ITIH5: variants seen among roughly 807,000 people sequenced by gnomAD.
The protein encoded by ITIH5 is inter-alpha-trypsin inhibitor heavy chain 5.
In ITIH5, 65 loss-of-function variants were observed where a neutral mutation model predicts 77.5. That is an observed-to-expected ratio of 0.84 (90% confidence interval 0.69 to 1.03). ITIH5 has a LOEUF of 1.03. Among genes scored for constraint, ITIH5 ranks in the 50% least tolerant of loss-of-function variants. ITIH5 has a pLI of 0.00. For synonymous variants in ITIH5, 525 were observed against 494.3 expected (o/e 1.06, Z -0.82); for missense variants, 1,208 against 1,213.1 (o/e 1.00, Z 0.06).
chr10:7,609,020 G>C (rs551198994), intron 7 of ITIH5, among the ~76,000 whole-genome samples: 4 of 152,100 alleles, frequency 2.6e-5, no homozygotes, highest in Non-Finnish European at 5.9e-5. Flanking sequence ...ACTGTGTTAC[G>C]GTCCATATGT....
In ITIH5 at chr10:7,642,123, G is replaced by A. The variant is rs371628565; in HGVS notation, c.136-33C>T. 1.9e-6 allele frequency: 3 copies of A among 1,568,070 alleles called. No individual in the cohort carries two copies. The African/African-American group carries it at 4.1e-5, about 21-fold the overall frequency. On this transcript the variant is annotated intron_variant, in intron 2 of 13. Transcript: ENST00000397146. ...AATGAAAACACACAGTATCATCGGT[G>A]ATGCATGAAAGCATTTTGGTGGTAG...
At position 7,576,910 on chromosome 10, in the gene ITIH5, G is replaced by A; in HGVS notation, c.1521C>T (p.Phe507=). 6.2e-7 allele frequency: 1 copy of A among 1,614,196 alleles called. No homozygotes were observed. The highest frequency in any genetic ancestry group is 8.5e-7 in the Non-Finnish European group (1 of 1,180,030). The change falls in exon 10 of 14, where the codon TTC becomes TTT. Residue 507 remains phenylalanine (F), a synonymous_variant. Transcript: ENST00000397146. ...QATKTLFPNY[F]NGSEIIIAGK... ...CCGCAATGATGATCTCCGAGCCGTT[G>A]AAGTAGTTGGGGAACAGGGTCTTGG...
intron 7 of ITIH5, among the ~76,000 whole-genome samples, chr10:7,594,695 A>C (rs1393354299): frequency 2.0e-5 from 3 of 152,054 alleles, no homozygotes; most frequent in Non-Finnish European, 4.4e-5. Context: ...TTGTCTTTAT[A>C]CTCTTGGACA....
At chr10:7,649,673 G>C (rs911132511) in intron 2 of ITIH5, among the ~76,000 whole-genome samples, 8 of 152,202 alleles carry the variant, frequency 5.3e-5, no homozygotes, top group South Asian at 2.1e-4. Flanking sequence ...AAAGAGAACA[G>C]AAAGAACACT....
intron 5 of ITIH5, among the ~76,000 whole-genome samples, chr10:7,635,936 CTG>C (rs1833791914): frequency 6.6e-6 from 1 of 152,170 alleles, no homozygotes; most frequent in Non-Finnish European, 1.5e-5. Context: ...TGCACATACT[CTG>C]CTCATCATTT....
chr10:7,637,494 A>G lies in ITIH5; in HGVS notation c.402-16T>C. The G allele has an allele frequency of 6.2e-7, 1 of 1,612,376 alleles. No individual in the cohort carries two copies. Among genetic ancestry groups the G allele is most frequent in the Non-Finnish European group, 8.5e-7 (1 of 1,179,504 alleles). On this transcript the variant is annotated splice_polypyrimidine_tract_variant and intron_variant, in intron 4 of 13. Transcript: ENST00000397146. ...CCCCTTCTCTCTGTCAGGAAAAAGGAAAAGGACCCCAGGGAGGTTCGGAAG... is the reference window on the plus strand; with the variant it reads ...CCCCTTCTCTCTGTCAGGAAAAAGGGAAAGGACCCCAGGGAGGTTCGGAAG...
At chr10:7,636,775 C>T (rs1414159659) in intron 5 of ITIH5, among the ~76,000 whole-genome samples, 1 of 152,016 alleles carries the variant, frequency 6.6e-6, no homozygotes, top group Non-Finnish European at 1.5e-5. Context: ...AAAAATGGGC[C>T]GGGTGCGCTG....
intron 7 of ITIH5, among the ~76,000 whole-genome samples, chr10:7,611,131 C>A (rs947490578): frequency 9.9e-5 from 15 of 152,256 alleles, no homozygotes; most frequent in African/African-American, 3.6e-4. Context: ...TTGCACGGTA[C>A]ATGGCTTAGT....
intron 2 of ITIH5, among the ~76,000 whole-genome samples, chr10:7,654,086 G>T (rs1208957849): frequency 2.6e-5 from 4 of 152,156 alleles, no homozygotes; most frequent in African/African-American, 4.8e-5. Flanking sequence ...CAACCCAGGA[G>T]GCAGAGGTTG....
At chr10:7,574,736 T>G (rs1425498539) in intron 10 of ITIH5, among the ~76,000 whole-genome samples, 1 of 138,722 alleles carries the variant, frequency 7.2e-6, no homozygotes, top group Admixed American at 8.0e-5. Flanking sequence ...GAGCTTGCAG[T>G]GAGCCGAGAT....
chr10:7,656,557 C>G (rs1834186293), intron 1 of ITIH5, among the ~76,000 whole-genome samples: 1 of 151,984 alleles, frequency 6.6e-6, no homozygotes, highest in African/African-American at 2.4e-5. Flanking sequence ...AATTAATTAA[C>G]TAGACACTCT....
At chr10:7,660,373 G>A (rs934570477) in intron 1 of ITIH5, among the ~76,000 whole-genome samples, 1 of 152,038 alleles carries the variant, frequency 6.6e-6, no homozygotes, top group Non-Finnish European at 1.5e-5. Context: ...AGAGAATCAG[G>A]TTCAACACAG....
intron 7 of ITIH5, among the ~76,000 whole-genome samples, chr10:7,614,438 A>G (rs1385574309): frequency 6.6e-6 from 1 of 152,104 alleles, no homozygotes; most frequent in African/African-American, 2.4e-5. Flanking sequence ...AGCCCAACAC[A>G]ATTTCATAAA....
At chr10:7,662,918 C>T (rs1338131985) in intron 1 of ITIH5, among the ~76,000 whole-genome samples, 1 of 151,850 alleles carries the variant, frequency 6.6e-6, no homozygotes, top group Non-Finnish European at 1.5e-5. Flanking sequence ...TTTTTTTCCC[C>T]CCCAAATGCA....
intron 1 of ITIH5, among the ~76,000 whole-genome samples, chr10:7,661,641 G>A (rs1255196138): frequency 6.6e-6 from 1 of 152,184 alleles, no homozygotes; most frequent in East Asian, 1.9e-4. Context: ...TATCACCTTG[G>A]TAATGGAAGA....
At chr10:7,574,576 A>G (rs535669068) in intron 10 of ITIH5, among the ~76,000 whole-genome samples, 35 of 152,052 alleles carry the variant, frequency 2.3e-4, no homozygotes, top group Admixed American at 4.6e-4. Flanking sequence ...GGCGGATCAC[A>G]AGGTCAGGAG....
At chr10:7,598,763 C>G (rs577903102) in intron 7 of ITIH5, among the ~76,000 whole-genome samples, 3 of 152,254 alleles carry the variant, frequency 2.0e-5, no homozygotes, top group African/African-American at 7.2e-5. Context: ...TTTCTAAATA[C>G]CAATACCACT....
rs777827756 is a variant in ITIH5 at position 7,566,123 on chromosome 10, G to T, written c.2434C>A (p.Leu812Ile). The change falls in exon 13 of 14, where the codon CTC (leucine) becomes ATC (isoleucine). Residue 812 changes from leucine (L) to isoleucine (I), a missense_variant. Physicochemically the swap from Leu to Ile is conservative, Grantham distance 5. Coordinates refer to ENST00000397146, the MANE Select transcript of ITIH5 (RefSeq NM_030569.7). ...TGGAAGGGCGCCGGCTTTTTGTAGAGGTGGATGAGGATGACAAAGGCTATG... is the reference window on the plus strand; with the variant it reads ...TGGAAGGGCGCCGGCTTTTTGTAGATGTGGATGAGGATGACAAAGGCTATG... ...GSIAFVILIH[L>I]YKKPAPFQRH... 4 of 1,614,116 alleles carry T rather than the reference G, an allele frequency of 2.5e-6. No homozygotes were observed. In the East Asian group the frequency reaches 8.9e-5, roughly 36 times the overall value.
rs372404444 is a variant in ITIH5 at position 7,566,415 on chromosome 10, G to C, written c.2150-8C>G. 1.1e-4 allele frequency: 182 copies of C among 1,584,946 alleles called. 1 individual carries two copies. In the African/African-American group the frequency reaches 2.2e-3, roughly 19 times the overall value. Reference sequence around the variant, plus strand: ...CTCCGTTCACTGTGACACCTCAAAGGCCAAGGGGAAAAGAAGAAGGTTAGA... The same window carrying C: ...CTCCGTTCACTGTGACACCTCAAAGCCCAAGGGGAAAAGAAGAAGGTTAGA... On this transcript the variant is annotated splice_polypyrimidine_tract_variant and splice_region_variant and intron_variant, in intron 12 of 13. Coordinates refer to ENST00000397146, the MANE Select transcript of ITIH5 (RefSeq NM_030569.7).
Sources: allele counts gnomAD v4.1 joint callset (sites outside exome capture counted in the v4.1 genomes callset), GRCh38; gene constraint gnomAD v4.1.1; transcripts MANE v1.5; gene names NCBI Gene and HGNC (gene_info 2026-07-23, HGNC 2026-07-21).